Variants in LRP1B observed in about 807,000 individuals in gnomAD.
LRP1B encodes low-density lipoprotein receptor-related protein 1B.
LRP1B carries 217 observed loss-of-function variants against 556.6 expected under a neutral mutation model. The ratio of observed to expected loss-of-function variants is 0.39; its 90% CI spans 0.35 to 0.44. LRP1B has a LOEUF of 0.44. Among genes scored for constraint, LRP1B ranks in the 20% least tolerant of loss-of-function variants. The probability of loss-of-function intolerance (pLI) is 1.00; values close to 1 mark genes in which losing one functional copy is unlikely to be tolerated. For missense variants in LRP1B, 5,053 were observed against 5,620.8 expected, an observed-to-expected ratio of 0.90 and a Z score of 3.23; for synonymous variants, 2,047 against 1,865.8, an observed-to-expected ratio of 1.10 and a Z score of -2.50.
intron 3 of LRP1B, among the ~76,000 whole-genome samples, chr2:141,379,108 A>G (rs1304556060): frequency 6.6e-6 from 1 of 152,176 alleles, no homozygotes; most frequent in Non-Finnish European, 1.5e-5. Context: ...GAGATCCTAA[A>G]AGCAGTAAAG....
chr2:142,060,749 A>C (rs1178290398), intron 1 of LRP1B, among the ~76,000 whole-genome samples: 1 of 152,094 alleles, frequency 6.6e-6, no homozygotes, highest in East Asian at 1.9e-4. Context: ...GGCAGTAAAC[A>C]ATTGCAAAAT....
intron 3 of LRP1B, among the ~76,000 whole-genome samples, chr2:141,320,578 C>T (rs10178342): frequency 0.31 from 46,707 of 151,798 alleles, 7,982 homozygotes; most frequent in East Asian, 0.48. Context: ...CAATGATTGA[C>T]AGTACATCTC....
chr2:140,312,762 A>T (rs1395125636), intron 83 of LRP1B, among the ~76,000 whole-genome samples: 1 of 151,916 alleles, frequency 6.6e-6, no homozygotes, highest in Admixed American at 6.6e-5. Flanking sequence ...TAGCTCATAC[A>T]TTTAATTTTT....
chr2:141,501,654 A>C lies in LRP1B; in HGVS notation c.206-21121T>G, dbSNP rs990704181. 2.6e-5 allele frequency among the ~76,000 whole-genome samples: 4 copies of C among 152,328 alleles called. No individual in the cohort carries two copies. The South Asian group carries it at 8.3e-4, about 32-fold the overall frequency. On this transcript the variant is annotated intron_variant, in intron 2 of 90. Transcript: ENST00000389484. ...CTTGAGATCAGTGGTAAGCTGCTCT[A>C]TACAAATGAAGCTATATACTGTAAT...
chr2:142,018,797 T>C (rs1703234620), intron 1 of LRP1B, among the ~76,000 whole-genome samples: 2 of 152,072 alleles, frequency 1.3e-5, no homozygotes, highest in Non-Finnish European at 2.9e-5. Context: ...CTTTTTTTTT[T>C]TCCCCAGAAG....
At chr2:141,020,300 T>C (rs577837489) in intron 11 of LRP1B, among the ~76,000 whole-genome samples, 198 bp from the exon 12 acceptor site, 1 of 152,228 alleles carries the variant, frequency 6.6e-6, no homozygotes, top group South Asian at 2.1e-4. Context: ...TGCCTTTTTA[T>C]GTGAATAATA....
chr2:141,352,304 T>C lies in LRP1B; in HGVS notation c.344-97663A>G, dbSNP rs186607462. 3.1e-3 allele frequency among the ~76,000 whole-genome samples: 473 copies of C among 152,048 alleles called. 10 individuals carry two copies. Among genetic ancestry groups the C allele is most frequent in the Non-Finnish European group, 5.0e-4 (34 of 67,882 alleles). On this transcript the variant is annotated intron_variant, in intron 3 of 90. Coordinates refer to ENST00000389484, the MANE Select transcript of LRP1B (RefSeq NM_018557.3). ...ATATACTGCTGTGTTCTATAGGTAGTCAATAAATATTTATCCATAGAAATG... is the reference window on the plus strand; with the variant it reads ...ATATACTGCTGTGTTCTATAGGTAGCCAATAAATATTTATCCATAGAAATG...
chr2:141,204,868 T>A (rs1573647763), intron 6 of LRP1B, among the ~76,000 whole-genome samples: 1 of 151,696 alleles, frequency 6.6e-6, no homozygotes, highest in Non-Finnish European at 1.5e-5. Flanking sequence ...ACCCAAGAGG[T>A]GGGGTTTGCA....
At position 140,713,288 on chromosome 2, in the gene LRP1B, C is replaced by G. The variant is rs546040524; in HGVS notation, c.6023+2685G>C. 2.0e-4 allele frequency among the ~76,000 whole-genome samples: 31 copies of G among 151,716 alleles called. No homozygotes were observed. In the South Asian group the frequency reaches 3.5e-3, roughly 17 times the overall value. On this transcript the variant is annotated intron_variant, in intron 37 of 90. Coordinates refer to ENST00000389484, the MANE Select transcript of LRP1B (RefSeq NM_018557.3). ...CCTCTCTCCAAATTTGACCTGACTCCCTTTGGTATTGGGATTTGCAGTGAA... is the reference window on the plus strand; with the variant it reads ...CCTCTCTCCAAATTTGACCTGACTCGCTTTGGTATTGGGATTTGCAGTGAA...
At chr2:141,851,771 C>T (rs1022309269) in intron 1 of LRP1B, among the ~76,000 whole-genome samples, 1 of 151,690 alleles carries the variant, frequency 6.6e-6, no homozygotes, top group Non-Finnish European at 1.5e-5. Context: ...CTTTCCGCCA[C>T]ATGGACAAGG....
intron 2 of LRP1B, among the ~76,000 whole-genome samples, chr2:141,605,630 T>C (rs1467224597): frequency 6.6e-6 from 1 of 152,208 alleles, no homozygotes; most frequent in East Asian, 1.9e-4. Context: ...CATGATCCAC[T>C]GGGCTCTGCC....
chr2:140,438,943 C>A (rs1686307388), intron 66 of LRP1B, among the ~76,000 whole-genome samples: 1 of 152,064 alleles, frequency 6.6e-6, no homozygotes, highest in South Asian at 2.1e-4. Flanking sequence ...CAGAAAATAA[C>A]TGATAAAAAC....
At chr2:140,520,483 A>G (rs13402047) in intron 49 of LRP1B, among the ~76,000 whole-genome samples, 4,314 of 152,148 alleles carry the variant, frequency 0.028, 208 homozygotes, top group African/African-American at 0.098. Context: ...GAGGAATAGC[A>G]TTAGGAGAAA....
At chr2:141,150,744 C>G (rs2105081792) in intron 7 of LRP1B, among the ~76,000 whole-genome samples, 1 of 152,202 alleles carries the variant, frequency 6.6e-6, no homozygotes, top group African/African-American at 2.4e-5. Context: ...GCGCTTCTTC[C>G]TGCTCCTTAG....
At chr2:141,955,715 T>C (rs983527560) in intron 1 of LRP1B, among the ~76,000 whole-genome samples, 1 of 152,040 alleles carries the variant, frequency 6.6e-6, no homozygotes, top group Admixed American at 6.6e-5. Context: ...TTTTCCCTTA[T>C]TGAGAACCAC....
chr2:141,927,272 G>A (rs1700359302), intron 1 of LRP1B, among the ~76,000 whole-genome samples: 1 of 151,926 alleles, frequency 6.6e-6, no homozygotes, highest in Admixed American at 6.6e-5. Context: ...AAGAACTATG[G>A]GTAAATGTTG....
intron 41 of LRP1B, among the ~76,000 whole-genome samples, chr2:140,640,321 C>T (rs1264698442): frequency 6.8e-6 from 1 of 146,050 alleles, no homozygotes; most frequent in Non-Finnish European, 1.5e-5. Context: ...GATTATTTCA[C>T]TGGTCACCCT....
intron 2 of LRP1B, among the ~76,000 whole-genome samples, chr2:141,562,302 A>T (rs139161682): frequency 1.3e-5 from 2 of 151,922 alleles, no homozygotes; most frequent in South Asian, 4.1e-4. Context: ...CATTTCAGTC[A>T]TTTGGATAAA....
At chr2:140,784,376 C>CACA (rs1689816913) in intron 32 of LRP1B, among the ~76,000 whole-genome samples, 5 of 126,574 alleles carry the variant, frequency 4.0e-5, no homozygotes, top group Admixed American at 3.4e-4. Context: ...GATTCTGCCT[C>CACA]CACACACACA....
Sources: allele counts gnomAD v4.1 joint callset (sites outside exome capture counted in the v4.1 genomes callset), GRCh38; gene constraint gnomAD v4.1.1; transcripts MANE v1.5; gene names NCBI Gene and HGNC (gene_info 2026-07-23, HGNC 2026-07-21).